Variants in ORC5 observed in about 807,000 individuals in gnomAD.
The protein encoded by ORC5 is origin recognition complex subunit 5, also known as protein phosphatase 1, regulatory subunit 117.
Under a neutral mutation model 58.8 loss-of-function variants are expected in ORC5, and 39 were observed. The observed-to-expected ratio is 0.66, with a 90% confidence interval of 0.51 to 0.87. ORC5 has a LOEUF of 0.87. ORC5 is among the 40% of genes least tolerant of loss of function. The pLI is 0.00. For missense variants in ORC5, 493 were observed against 506.3 expected, an observed-to-expected ratio of 0.97 and a Z score of 0.25; for synonymous variants, 218 against 177.6, an observed-to-expected ratio of 1.23 and a Z score of -1.81.
chr7:104,141,763 CAAG>C (rs1178061511), intron 12 of ORC5, among the ~76,000 whole-genome samples: 2 of 152,000 alleles, frequency 1.3e-5, no homozygotes, highest in African/African-American at 2.4e-5. Flanking sequence ...TAAATTTAAT[CAAG>C]AAGGTGAATT....
intron 12 of ORC5, among the ~76,000 whole-genome samples, chr7:104,151,612 G>A (rs999213218): frequency 3.3e-5 from 5 of 152,190 alleles, no homozygotes; most frequent in Non-Finnish European, 7.3e-5. Flanking sequence ...ATCTAGGTAA[G>A]GCTGAAAACC....
chr7:104,139,364 A>T (rs1798637874), intron 12 of ORC5, among the ~76,000 whole-genome samples: 1 of 152,150 alleles, frequency 6.6e-6, no homozygotes, highest in African/African-American at 2.4e-5. Context: ...TTTTATAGAT[A>T]AGCCTTAGAG....
intron 5 of ORC5, among the ~76,000 whole-genome samples, chr7:104,194,162 G>T (rs1584520266): frequency 6.9e-6 from 1 of 143,930 alleles, no homozygotes. Flanking sequence ...TTTATTTTGG[G>T]ATTTTTATGG....
chr7:104,183,860 CCTCT>C (rs1253220432), intron 8 of ORC5, 79 bp downstream of exon 8: 4 of 897,816 alleles, frequency 4.5e-6, no homozygotes, highest in Non-Finnish European at 7.0e-6. Flanking sequence ...TTTTAGAGTC[CCTCT>C]CTCTGTTATT....
chr7:104,167,521 G>A (rs6979022), intron 9 of ORC5, among the ~76,000 whole-genome samples: 1 of 151,912 alleles, frequency 6.6e-6, no homozygotes, highest in Non-Finnish European at 1.5e-5. Flanking sequence ...TGTTGAAGGA[G>A]CTATGTCTAA....
chr7:104,163,355 C>T (rs753833782), intron 11 of ORC5, among the ~76,000 whole-genome samples: 13 of 152,184 alleles, frequency 8.5e-5, no homozygotes, highest in Non-Finnish European at 1.3e-4. Context: ...CCTTTAGTGG[C>T]AACTTCAGAG....
chr7:104,152,238 T>A (rs934420111), intron 12 of ORC5, among the ~76,000 whole-genome samples: 2 of 152,120 alleles, frequency 1.3e-5, no homozygotes, highest in Non-Finnish European at 2.9e-5. Context: ...AGTCTTGACC[T>A]CCTGACTCAA....
At chr7:104,197,664 CTT>C (rs1799832158) in intron 4 of ORC5, 59 bp downstream of exon 4, 1 of 1,141,128 alleles carries the variant, frequency 8.8e-7, no homozygotes, top group Admixed American at 2.4e-5. Flanking sequence ...AAATGAAAAA[CTT>C]TTACAACACA....
chr7:104,156,484 T>C (rs1034129443), intron 12 of ORC5, among the ~76,000 whole-genome samples: 9 of 151,604 alleles, frequency 5.9e-5, no homozygotes, highest in African/African-American at 1.9e-4. Context: ...CTTTAAAGAG[T>C]CCTTGAGTTA....
At chr7:104,139,963 A>G (rs1278998606) in intron 12 of ORC5, among the ~76,000 whole-genome samples, 1 of 152,004 alleles carries the variant, frequency 6.6e-6, no homozygotes, top group East Asian at 1.9e-4. Flanking sequence ...CTATGTTACT[A>G]GGTAACATAC....
chr7:104,160,616 G>C (rs895542416), intron 12 of ORC5, among the ~76,000 whole-genome samples: 5 of 151,586 alleles, frequency 3.3e-5, no homozygotes, highest in African/African-American at 1.2e-4. Context: ...GAAATTCTGA[G>C]AACTTAATTA....
In ORC5 at chr7:104,196,080, G is replaced by T. The variant is rs183143973; in HGVS notation, c.442-826C>A. Among the ~76,000 whole-genome samples the T allele has an allele frequency of 1.0e-3, 157 of 152,276 alleles. 2 individuals are homozygous for T. The highest frequency in any genetic ancestry group is 3.3e-3 in the African/African-American group (139 of 41,542). On this transcript the variant is annotated intron_variant, in intron 4 of 13. Transcript: ENST00000297431. ...AATGTCAAAGCAATTCTCTTTTCCA[G>T]TTCAGCTGAGATTACTCTAAATCTT... is the stretch of plus-strand genomic sequence containing the variant.
intron 12 of ORC5, among the ~76,000 whole-genome samples, chr7:104,139,357 T>A (rs1020304195): frequency 6.6e-6 from 1 of 152,202 alleles, no homozygotes; most frequent in Non-Finnish European, 1.5e-5. Context: ...TACTTTTTTT[T>A]ATAGATAAGC....
chr7:104,200,733 G>A (rs1490238138), intron 3 of ORC5, 25 bp downstream of exon 3: 3 of 1,334,024 alleles, frequency 2.2e-6, no homozygotes, highest in Non-Finnish European at 3.2e-6. Context: ...GATAAGAGAT[G>A]ATCTAATCAA....
At position 104,200,905 on chromosome 7, in the gene ORC5, C is replaced by T; in HGVS notation, c.219G>A (p.Leu73=). Residue 73 remains leucine (L), a synonymous_variant, in exon 3 of 14, where the codon TTG becomes TTA. Coordinates refer to ENST00000297431, the MANE Select transcript of ORC5 (RefSeq NM_002553.4). ...CVECFTLRLL[L]EQILNKLNHL... The stretch of plus-strand genomic sequence containing the variant: ...GATTCAATTTGTTTAAAATTTGTTC[C>T]AAAAGCAGCCTCAATGTAAAGCATT... The T allele has an allele frequency of 1.2e-6, 2 of 1,613,586 alleles. No homozygotes were observed. Among genetic ancestry groups the T allele is most frequent in the Non-Finnish European group, 1.7e-6 (2 of 1,179,674 alleles).
chr7:104,148,784 C>T (rs748112249), intron 12 of ORC5, among the ~76,000 whole-genome samples: 1 of 152,068 alleles, frequency 6.6e-6, no homozygotes, highest in East Asian at 1.9e-4. Flanking sequence ...CTGTAACCCC[C>T]GCACTTGGGG....
At chr7:104,195,476 A>C (rs1239093940) in intron 4 of ORC5, among the ~76,000 whole-genome samples, 1 of 152,208 alleles carries the variant, frequency 6.6e-6, no homozygotes, top group Non-Finnish European at 1.5e-5. Context: ...ATCACAGCTC[A>C]CTGTGGCCTC....
rs1334578808 is a variant in ORC5, at chr7:104,200,826, T to C, written c.298A>G (p.Asn100Asp). ...CSTEITCETFNDFVRLFKQVT... is the reference protein window; with the variant it reads ...CSTEITCETFDDFVRLFKQVT... Reference sequence around the variant, plus strand: ...TGTTTAAACAAGCGAACAAAGTCATTAAATGTTTCACAGGTTATTTCAGTA... The same window carrying C: ...TGTTTAAACAAGCGAACAAAGTCATCAAATGTTTCACAGGTTATTTCAGTA... The change falls in exon 3 of 14, where the codon AAT becomes GAT. Residue 100 changes from asparagine (N) to aspartate (D), a missense_variant. Asn to Asp is a conservative substitution (Grantham distance 23). Transcript: ENST00000297431. 34 of 1,613,090 alleles carry C rather than the reference T, an allele frequency of 2.1e-5. No individual in the cohort carries two copies. Among genetic ancestry groups the C allele is most frequent in the Non-Finnish European group, 2.8e-5 (33 of 1,179,108 alleles).
At chr7:104,167,225 G>C (rs944587117) in intron 9 of ORC5, among the ~76,000 whole-genome samples, 1 of 152,122 alleles carries the variant, frequency 6.6e-6, no homozygotes, top group Non-Finnish European at 1.5e-5. Context: ...CCTACTCTGA[G>C]TATTCCCACA....
Sources: allele counts gnomAD v4.1 joint callset (sites outside exome capture counted in the v4.1 genomes callset), GRCh38; gene constraint gnomAD v4.1.1; transcripts MANE v1.5; gene names NCBI Gene and HGNC (gene_info 2026-07-23, HGNC 2026-07-21).